CCDC191: variants seen among roughly 807,000 people sequenced by gnomAD.
CCDC191 encodes the protein coiled-coil domain-containing protein 191.
CCDC191 carries 99 observed loss-of-function variants against 114.0 expected under a neutral mutation model. That is an observed-to-expected ratio of 0.87 (90% CI 0.74 to 1.03). The LOEUF is 1.03. CCDC191 is among the 50% of genes least tolerant of loss of function. CCDC191 has a pLI of 0.00. For synonymous variants in CCDC191, 351 were observed against 376.0 expected (o/e 0.93, Z 0.77); for missense variants, 973 against 1,087.0 (o/e 0.90, Z 1.47).
intron 9 of CCDC191, among the ~76,000 whole-genome samples, chr3:114,006,619 A>AATATAAAT (rs2075974570): frequency 1.8e-4 from 17 of 92,502 alleles, no homozygotes; most frequent in African/African-American, 7.1e-4. Context: ...TATATATATA[A>AATATAAAT]ATATATATAT....
intron 7 of CCDC191, among the ~76,000 whole-genome samples, chr3:114,030,285 G>A (rs934398171): frequency 1.3e-5 from 2 of 152,030 alleles, no homozygotes; most frequent in African/African-American, 4.8e-5. Flanking sequence ...TTGTACAGTG[G>A]ACTTCAATAC....
chr3:114,001,643 CT>C lies in CCDC191; in HGVS notation c.2114del (p.Lys705ArgfsTer14). ...EERQKREAEEKEAQLERKREE... is the reference protein window; with the variant it reads ...EERQKREAEEXEAQLERKREE... Reference sequence around the variant, plus strand: ...CTCGTTTTCTTTCAAGCTGTGCCTCCTTTTCTTCTGCCTCCCTTTTCTGACG... The same window carrying C: ...CTCGTTTTCTTTCAAGCTGTGCCTCCTTTCTTCTGCCTCCCTTTTCTGACG... On this transcript the variant is annotated frameshift_variant, in exon 13 of 17. Transcript: ENST00000295878. LOFTEE classifies it high-confidence loss of function. 1 of 1,613,904 alleles carries C rather than the reference CT, an allele frequency of 6.2e-7. No individual in the cohort carries two copies. Among genetic ancestry groups the C allele is most frequent in the Non-Finnish European group, 8.5e-7 (1 of 1,179,826 alleles).
At chr3:114,004,504 T>G in intron 11 of CCDC191, 133 bp downstream of exon 11, 1 of 1,461,116 alleles carries the variant, frequency 6.8e-7, no homozygotes, top group Non-Finnish European at 9.0e-7. Flanking sequence ...ATGTCTACCA[T>G]TCTGAGATTT....
chr3:114,054,597 A>T (rs1374715560), intron 1 of CCDC191, among the ~76,000 whole-genome samples: 1 of 152,230 alleles, frequency 6.6e-6, no homozygotes, highest in Non-Finnish European at 1.5e-5. Context: ...AGATTGCACC[A>T]CTGCGCTCCA....
At chr3:114,008,236 A>G (rs1249592774) in intron 9 of CCDC191, among the ~76,000 whole-genome samples, 1 of 150,260 alleles carries the variant, frequency 6.7e-6, no homozygotes, top group Non-Finnish European at 1.5e-5. Flanking sequence ...GGTTCCATAC[A>G]GCTCTTTCTT....
At chr3:114,040,704 G>A (rs1443313777) in intron 4 of CCDC191, among the ~76,000 whole-genome samples, 1 of 151,960 alleles carries the variant, frequency 6.6e-6, no homozygotes, top group Admixed American at 6.5e-5. Flanking sequence ...CTTGTAGATA[G>A]CATATGTATT....
In CCDC191 at chr3:114,002,658, G is replaced by C. The variant is rs115531838; in HGVS notation, c.1979-120C>G. On this transcript the variant is annotated intron_variant, in intron 11 of 16. Transcript: ENST00000295878. ...TGTTATTATTAGGGTTTTCTTGTAAGTTGAATGTTCACAATCTCAGAAAAT... is the reference window on the plus strand; with the variant it reads ...TGTTATTATTAGGGTTTTCTTGTAACTTGAATGTTCACAATCTCAGAAAAT... The C allele has an allele frequency of 3.7e-3, 4,675 of 1,257,170 alleles. 112 individuals are homozygous for C. The African/African-American group carries it at 0.061, about 16-fold the overall frequency. 77.9% of individuals were successfully genotyped at this position (1,257,170 alleles called of 1,614,324 possible). A position where few individuals can be genotyped will look rare whatever the true frequency, so the allele number is the denominator to read the frequency against.
rs200348566 is a variant in CCDC191 at position 113,965,343 on chromosome 3, T to C, written c.2623A>G (p.Thr875Ala). 13 of 1,585,066 alleles carry C rather than the reference T, an allele frequency of 8.2e-6. No individual in the cohort carries two copies. The East Asian group carries it at 2.5e-4, about 30-fold the overall frequency. ...ACAAACTTCTTCCATGTCCGAAGGG[T>C]GATCCAGAGGATCCTCCTTTAAGAA... Reference protein sequence around the residue: ...EHSDRRILWITLRTWKKFVKF... With the variant: ...EHSDRRILWIALRTWKKFVKF... Residue 875 changes from threonine (T) to alanine (A), a missense_variant, in exon 17 of 17, where the codon ACC becomes GCC. By Grantham distance (58) the Thr-to-Ala change is moderately conservative. Transcript: ENST00000295878.
rs552638263 is a variant in CCDC191 at position 114,029,114 on chromosome 3, T to C, written c.972+2512A>G. On this transcript the variant is annotated intron_variant, in intron 7 of 16. Coordinates refer to ENST00000295878, the MANE Select transcript of CCDC191 (RefSeq NM_020817.2). Reference sequence around the variant, plus strand: ...TCCAACAAAAGGAATCAAAGTTCCATGTAGAAGTGGTTGATTCTAGGGTGA... The same window carrying C: ...TCCAACAAAAGGAATCAAAGTTCCACGTAGAAGTGGTTGATTCTAGGGTGA... Among the ~76,000 whole-genome samples, 9 of 152,192 alleles carry C rather than the reference T, an allele frequency of 5.9e-5. No individual in the cohort carries two copies. The East Asian group carries it at 1.7e-3, about 29-fold the overall frequency.
intron 1 of CCDC191, among the ~76,000 whole-genome samples, chr3:114,054,763 T>C (rs2076743666): frequency 6.6e-6 from 1 of 152,196 alleles, no homozygotes; most frequent in African/African-American, 2.4e-5. Context: ...CAGTCAGGTA[T>C]TAATCTGAAA....
rs1486566677 is a variant in CCDC191 at position 114,031,796 on chromosome 3, A to T, written c.819-17T>A. 5 of 1,071,426 alleles carry T rather than the reference A, an allele frequency of 4.7e-6. No homozygotes were observed. Among genetic ancestry groups the T allele is most frequent in the Non-Finnish European group, 6.9e-6 (5 of 719,766 alleles). 66.4% of individuals were successfully genotyped at this position (1,071,426 alleles called of 1,614,324 possible). A position where few individuals can be genotyped will look rare whatever the true frequency, so the allele number is the denominator to read the frequency against. On this transcript the variant is annotated splice_polypyrimidine_tract_variant and intron_variant, in intron 6 of 16. Transcript: ENST00000295878. ...TTCTTCTCTCTATTAATAACAATTTAAAAATACATGTATATTTACAATAGA... is the reference window on the plus strand; with the variant it reads ...TTCTTCTCTCTATTAATAACAATTTTAAAATACATGTATATTTACAATAGA...
intron 7 of CCDC191, among the ~76,000 whole-genome samples, chr3:114,021,510 G>C (rs1322252656): frequency 6.6e-6 from 1 of 152,030 alleles, no homozygotes; most frequent in African/African-American, 2.4e-5. Context: ...TTGATTCATA[G>C]CAAACATTAT....
intron 7 of CCDC191, 66 bp from the exon 8 acceptor site, chr3:114,018,934 C>A: frequency 7.2e-7 from 1 of 1,382,198 alleles, no homozygotes; most frequent in South Asian, 1.3e-5. Flanking sequence ...CTAACACTGA[C>A]AGCCCTCTCC....
At chr3:114,040,630 A>G (rs1403887162) in intron 4 of CCDC191, among the ~76,000 whole-genome samples, 4 of 152,098 alleles carry the variant, frequency 2.6e-5, no homozygotes, top group African/African-American at 4.8e-5. Context: ...TACTATTTGC[A>G]TGGTATATCT....
chr3:113,965,426 T>G, intron 16 of CCDC191, 67 bp from the exon 17 acceptor site: 1 of 823,380 alleles, frequency 1.2e-6, no homozygotes, highest in South Asian at 1.9e-5. Context: ...TATAGCACAT[T>G]AAGAACTTTA....
chr3:114,024,982 AAG>A (rs2076299385), intron 7 of CCDC191, among the ~76,000 whole-genome samples: 1 of 152,132 alleles, frequency 6.6e-6, no homozygotes, highest in Admixed American at 6.5e-5. Flanking sequence ...CCCCAAAGAA[AAG>A]AGAGGAAATC....
chr3:114,051,988 G>A (rs1351015279), intron 2 of CCDC191, among the ~76,000 whole-genome samples: 2 of 152,194 alleles, frequency 1.3e-5, no homozygotes, highest in Admixed American at 6.5e-5. Flanking sequence ...TACTGGATTT[G>A]GTCAGGAAGT....
chr3:114,047,165 A>G (rs2076641906), intron 2 of CCDC191: 1 of 963,218 alleles, frequency 1.0e-6, no homozygotes. Context: ...CCTGAAGGAA[A>G]TCTCCCATCT....
In CCDC191 at chr3:114,001,701, T is replaced by C. The variant is rs777568714; in HGVS notation, c.2062-5A>G. On this transcript the variant is annotated splice_region_variant and splice_polypyrimidine_tract_variant and intron_variant, in intron 12 of 16. Coordinates refer to ENST00000295878, the MANE Select transcript of CCDC191 (RefSeq NM_020817.2). ...CTCTTGGGCCTTTAACTGGGCCTGATTGAGATTAGAACCCAGAAATATCAG... is the reference window on the plus strand; with the variant it reads ...CTCTTGGGCCTTTAACTGGGCCTGACTGAGATTAGAACCCAGAAATATCAG... 4.3e-6 allele frequency: 7 copies of C among 1,613,742 alleles called. No homozygotes were observed. Among genetic ancestry groups the C allele is most frequent in the Admixed American group, 3.3e-5 (2 of 59,990 alleles).
Sources: gnomAD v4.1 joint callset for allele counts (sites outside exome capture counted in the v4.1 genomes callset) on GRCh38, gnomAD v4.1.1 for gene constraint, MANE v1.5 for transcripts, NCBI Gene and HGNC (gene_info 2026-07-23, HGNC 2026-07-21) for gene names.